Variants in ERG observed in about 807,000 individuals in gnomAD.
ERG encodes transcriptional regulator ERG.
In ERG, 9 loss-of-function variants were observed where a neutral mutation model predicts 55.3. The observed-to-expected ratio is 0.16, with a 90% CI of 0.10 to 0.28. The LOEUF is 0.28. ERG is among the 10% of genes least tolerant of loss of function. The pLI is 1.00. For synonymous variants in ERG, 223 were observed against 237.3 expected (o/e 0.94, Z 0.55); for missense variants, 434 against 631.6 (o/e 0.69, Z 3.35).
At chr21:38,653,792 G>A (rs2060502174) in intron 1 of ERG, among the ~76,000 whole-genome samples, 1 of 152,128 alleles carries the variant, frequency 6.6e-6, no homozygotes, top group Non-Finnish European at 1.5e-5. Flanking sequence ...CCCACCTCTT[G>A]TTTGGGACAG....
At chr21:38,499,774 G>A (rs2059407021), upstream of ERG, among the ~76,000 whole-genome samples, 1 of 149,192 alleles carries the variant, frequency 6.7e-6, no homozygotes, top group East Asian at 2.0e-4. Flanking sequence ...AGGGAAGAGG[G>A]CGAGAAAAAA....
At chr21:38,530,122 C>T (rs771211271) in intron 2 of ERG, among the ~76,000 whole-genome samples, 8 of 152,010 alleles carry the variant, frequency 5.3e-5, no homozygotes, top group African/African-American at 7.2e-5. Context: ...TGCAATGGTG[C>T]GAACTCAGCT....
Position 38,382,495 on chromosome 21 carries a change from T to C in ERG, c.*908A>G. Reference sequence around the variant, plus strand: ...AGAAAGAGATGCGCATTTTTGTTTCTGAATTCTACTACTTCCCCTTTCTCC... The same window carrying C: ...AGAAAGAGATGCGCATTTTTGTTTCCGAATTCTACTACTTCCCCTTTCTCC... On this transcript the variant is annotated 3_prime_UTR_variant, in exon 10 of 10. Transcript: ENST00000288319. 9.4e-7 allele frequency: 1 copy of C among 1,064,876 alleles called. No individual in the cohort carries two copies. The highest frequency in any genetic ancestry group is 4.6e-5 in the South Asian group (1 of 21,978). The allele number at this position is 1,064,876 out of a possible 1,614,324, so 66.0% of individuals were successfully genotyped here.
At chr21:38,557,976 A>G (rs2836512) in intron 2 of ERG, among the ~76,000 whole-genome samples, 9,758 of 152,200 alleles carry the variant, frequency 0.064, 493 homozygotes, top group Admixed American at 0.16. Flanking sequence ...ATCATTTTAT[A>G]TATCCTATGG....
At chr21:38,506,661 G>A (rs941383748) in intron 2 of ERG, among the ~76,000 whole-genome samples, 14 of 152,114 alleles carry the variant, frequency 9.2e-5, no homozygotes, top group African/African-American at 3.4e-4. Context: ...TCCTCTTCCT[G>A]CCTTTGCTTC....
intron 2 of ERG, among the ~76,000 whole-genome samples, chr21:38,573,603 A>G (rs915625343): frequency 3.3e-5 from 5 of 152,226 alleles, no homozygotes; most frequent in Admixed American, 6.5e-5. Flanking sequence ...ATTATGACAT[A>G]GATTCTTTTG....
At chr21:38,573,536 A>G (rs185387824) in intron 2 of ERG, among the ~76,000 whole-genome samples, 197 of 152,352 alleles carry the variant, frequency 1.3e-3, no homozygotes, top group African/African-American at 4.4e-3. Context: ...TTGGGTGGAG[A>G]GAAACATACA....
intron 1 of ERG, among the ~76,000 whole-genome samples, chr21:38,467,676 T>C (rs993862280): frequency 6.6e-6 from 1 of 152,218 alleles, no homozygotes; most frequent in African/African-American, 2.4e-5. Context: ...ATTTGCATCT[T>C]GACTTTGGGG....
Position 38,517,533 on chromosome 21 carries a change from C to T in ERG, c.-41+58129G>A, listed in dbSNP as rs1056211129. Among the ~76,000 whole-genome samples, 12 of 152,054 alleles carry T rather than the reference C, an allele frequency of 7.9e-5. No homozygotes were observed. The South Asian group carries it at 2.3e-3, about 29-fold the overall frequency. ...GTGGGAATGTAAATTAGTACAGCCACTATAGAAAACAGTAGAGATTTCTCA... is the reference window on the plus strand; with the variant it reads ...GTGGGAATGTAAATTAGTACAGCCATTATAGAAAACAGTAGAGATTTCTCA... On this transcript the variant is annotated intron_variant, in intron 2 of 8. Transcript: ENST00000398897.
chr21:38,394,000 C>T (rs1988089118), intron 6 of ERG, among the ~76,000 whole-genome samples: 1 of 152,168 alleles, frequency 6.6e-6, no homozygotes, highest in South Asian at 2.1e-4. Context: ...TGAACTTCAA[C>T]TTAAGTCTCT....
At chr21:38,438,305 T>C (rs2058809691) in intron 2 of ERG, among the ~76,000 whole-genome samples, 1 of 152,202 alleles carries the variant, frequency 6.6e-6, no homozygotes. Context: ...TCATAAGTGG[T>C]CTGATGTCAT....
intron 2 of ERG, among the ~76,000 whole-genome samples, chr21:38,556,027 A>G (rs957531007): frequency 6.6e-6 from 1 of 152,220 alleles, no homozygotes; most frequent in African/African-American, 2.4e-5. Flanking sequence ...TGTATATAAC[A>G]GCCAAGAATC....
At chr21:38,548,053 A>C (rs539635687) in intron 2 of ERG, among the ~76,000 whole-genome samples, 1 of 152,204 alleles carries the variant, frequency 6.6e-6, no homozygotes. Context: ...ATTTTTCTCC[A>C]AAAAAAATTC....
intron 2 of ERG, among the ~76,000 whole-genome samples, chr21:38,438,679 G>T (rs764882245): frequency 6.6e-6 from 1 of 152,232 alleles, no homozygotes; most frequent in Admixed American, 6.5e-5. Context: ...CCAATGTGGC[G>T]GGAGGGAAGG....
intron 2 of ERG, among the ~76,000 whole-genome samples, chr21:38,521,787 GACTTA>G (rs1470844041): frequency 6.6e-6 from 1 of 152,176 alleles, no homozygotes; most frequent in Admixed American, 6.5e-5. Flanking sequence ...TAACTGAATG[GACTTA>G]ACTTAGCAAT....
intron 2 of ERG, among the ~76,000 whole-genome samples, chr21:38,531,344 C>T (rs1171485355): frequency 6.6e-6 from 1 of 152,156 alleles, no homozygotes; most frequent in African/African-American, 2.4e-5. Context: ...TCACATGAGG[C>T]GACATGGTTT....
chr21:38,393,372 A>G (rs1374050782), intron 6 of ERG, among the ~76,000 whole-genome samples: 2 of 152,252 alleles, frequency 1.3e-5, no homozygotes, highest in Non-Finnish European at 2.9e-5. Context: ...CTAAGAGTGC[A>G]TAGCTAAGGC....
At chr21:38,470,311 A>G (rs951829999) in intron 1 of ERG, among the ~76,000 whole-genome samples, 9 of 152,132 alleles carry the variant, frequency 5.9e-5, no homozygotes, top group African/African-American at 2.2e-4. Flanking sequence ...TAATTGAATT[A>G]AAGTTCAAAA....
intron 2 of ERG, among the ~76,000 whole-genome samples, chr21:38,506,534 T>G (rs933158153): frequency 1.3e-5 from 2 of 152,226 alleles, no homozygotes; most frequent in Non-Finnish European, 2.9e-5. Flanking sequence ...AAATAGGCCT[T>G]AAAACTTAAT....
Sources: allele counts gnomAD v4.1 joint callset (sites outside exome capture counted in the v4.1 genomes callset), GRCh38; gene constraint gnomAD v4.1.1; transcripts MANE v1.5; gene names NCBI Gene and HGNC (gene_info 2026-07-23, HGNC 2026-07-21).